The following DPEP3 variants were observed in gnomAD, a reference collection of about 807,000 sequenced individuals.
DPEP3 encodes the protein membrane-bound dipeptidase 3.
DPEP3 carries 42 observed loss-of-function variants against 47.5 expected under a neutral mutation model. That is an observed-to-expected ratio of 0.88 (90% CI 0.69 to 1.14). The LOEUF is 1.14. Among genes scored for constraint, DPEP3 ranks in the 50% most tolerant of loss-of-function variants. The pLI is 0.00. For missense variants in DPEP3, 560 were observed against 635.0 expected (o/e 0.88, Z 1.27); for synonymous variants, 276 against 270.2 (o/e 1.02, Z -0.21).
Position 67,980,181 on chromosome 16 carries a change from G to T in DPEP3, c.200C>A (p.Pro67Gln). 1 of 1,611,596 alleles carries T rather than the reference G, an allele frequency of 6.2e-7. No homozygotes were observed. Among genetic ancestry groups the T allele is most frequent in the Non-Finnish European group, 8.5e-7 (1 of 1,178,864 alleles). Residue 67 changes from proline (P) to glutamine (Q), a missense_variant, in exon 1 of 10, where the codon CCA becomes CAA. Transcript: ENST00000268793. Reference protein sequence around the residue: ...TPGVPSALTTPGLTTPGTPKT... With the variant: ...TPGVPSALTTQGLTTPGTPKT... ...GGGGGTGCCTGGCGTAGTGAGGCCT[G>T]GGGTAGTGAGGGCGCTGGGGACACC...
chr16:67,977,205 T>G, intron 7 of DPEP3, 65 bp downstream of exon 7: 1 of 1,458,462 alleles, frequency 6.9e-7, no homozygotes, highest in Non-Finnish European at 9.5e-7. Context: ...ACTGCTAGAG[T>G]CGTCCTGAGG....
Position 67,978,660 on chromosome 16 carries a change from AG to A in DPEP3, c.415-35del. ...AGGTCAAGGGGTCCAGAATGAGGCCAGGGCGGTCTTCAACCCCCTAGGCCTG... is the reference window on the plus strand; with the variant it reads ...AGGTCAAGGGGTCCAGAATGAGGCCAGGCGGTCTTCAACCCCCTAGGCCTG... On this transcript the variant is annotated intron_variant, in intron 2 of 9. Transcript: ENST00000268793. The surrounding 1 kb of genome is among the most constrained non-coding windows in gnomAD (Gnocchi z 4.4). 1.9e-6 allele frequency: 3 copies of A among 1,611,132 alleles called. No individual in the cohort carries two copies. The highest frequency in any genetic ancestry group is 2.2e-5 in the South Asian group (2 of 90,884).
Position 67,977,263 on chromosome 16 carries a change from G to C in DPEP3, c.1018+7C>G. On this transcript the variant is annotated splice_region_variant and intron_variant, in intron 7 of 9. Coordinates refer to ENST00000268793, the MANE Select transcript of DPEP3 (RefSeq NM_001370198.1). Reference sequence around the variant, plus strand: ...CCAGCACTGCACAAAGCTGAGGTGGGACTTACCTGCCACAGTGGACACGTT... The same window carrying C: ...CCAGCACTGCACAAAGCTGAGGTGGCACTTACCTGCCACAGTGGACACGTT... 3 of 1,613,374 alleles carry C rather than the reference G, an allele frequency of 1.9e-6. No individual in the cohort carries two copies. The highest frequency in any genetic ancestry group is 2.5e-6 in the Non-Finnish European group (3 of 1,179,596).
At chr16:67,979,829 G>T (rs1018373878) in intron 1 of DPEP3, 64 bp from the exon 2 acceptor site, 7 of 1,593,696 alleles carry the variant, frequency 4.4e-6, no homozygotes, top group Non-Finnish European at 6.0e-6. Context: ...TCAGGTGCTT[G>T]GGTCTACCCT....
At position 67,980,209 on chromosome 16, in the gene DPEP3, G is replaced by T. The variant is rs1210070901; in HGVS notation, c.172C>A (p.Pro58Thr). 2.5e-6 allele frequency: 4 copies of T among 1,610,280 alleles called. No individual in the cohort carries two copies. The highest frequency in any genetic ancestry group is 1.1e-5 in the South Asian group (1 of 90,740). ...GTAGTGAGGGCGCTGGGGACACCCG[G>T]CGTGGTGAAGAGGCTGGGGGAGCCC... ...TLGSPSLFTT[P>T]GVPSALTTPG... The change falls in exon 1 of 10, where the codon CCG becomes ACG. Residue 58 changes from proline to threonine, a missense_variant. By Grantham distance (38) the Pro-to-Thr change is conservative. Transcript: ENST00000268793.
In DPEP3 at chr16:67,977,627, G is replaced by T. The variant is rs375404243; in HGVS notation, c.933+26C>A. On this transcript the variant is annotated intron_variant, in intron 6 of 9. Transcript: ENST00000268793. Reference sequence around the variant, plus strand: ...AGAACCTTTGGATAACACATGCCTAGTTTGAGAGCTGGGATGGCCACTCAC... The same window carrying T: ...AGAACCTTTGGATAACACATGCCTATTTTGAGAGCTGGGATGGCCACTCAC... The T allele has an allele frequency of 1.3e-5, 21 of 1,599,658 alleles. No homozygotes were observed. The African/African-American group carries it at 2.8e-4, about 21-fold the overall frequency.
chr16:67,980,181 G>A lies in DPEP3; in HGVS notation c.200C>T (p.Pro67Leu). The change falls in exon 1 of 10, where the codon CCA becomes CTA. Residue 67 changes from proline (P) to leucine (L), a missense_variant. By Grantham distance (98) the Pro-to-Leu change is moderately conservative. Transcript: ENST00000268793. ...GGGGGTGCCTGGCGTAGTGAGGCCT[G>A]GGGTAGTGAGGGCGCTGGGGACACC... is the stretch of plus-strand genomic sequence containing the variant. ...TPGVPSALTT[P>L]GLTTPGTPKT... 6.2e-7 allele frequency: 1 copy of A among 1,611,596 alleles called. No homozygotes were observed. Among genetic ancestry groups the A allele is most frequent in the East Asian group, 2.2e-5 (1 of 44,858 alleles).
At position 67,978,544 on chromosome 16, in the gene DPEP3, C is replaced by A; in HGVS notation, c.497G>T (p.Arg166Leu). 2 of 1,614,082 alleles carry A rather than the reference C, an allele frequency of 1.2e-6. No individual in the cohort carries two copies. Among genetic ancestry groups the A allele is most frequent in the Non-Finnish European group, 1.7e-6 (2 of 1,179,990 alleles). The stretch of plus-strand genomic sequence containing the variant: ...GAGTTCAGAGTAGGAGGCACACATG[C>A]GGTGAATGAGGTCAATCTGCTCCAG... ...LALEQIDLIH[R>L]MCASYSELEL... is the part of the protein sequence containing the mutation. Residue 166 changes from arginine (R) to leucine (L), a missense_variant, in exon 3 of 10, where the codon CGC (arginine) becomes CTC (leucine). Arg to Leu is a moderately radical substitution (Grantham distance 102). Transcript: ENST00000268793. This position sits in a 1 kb window ranked among gnomAD's most constrained non-coding sequence, Gnocchi z 4.4.
chr16:67,980,342 G>A lies in DPEP3; in HGVS notation c.39C>T (p.Ser13=). ...PTGREGSRAL[S]RRYLRRLLLL... ...GCAGCAGACGCCGCAGATACCGCCG[G>A]CTGAGCGCGCGGGAACCCTCGCGGC... is the stretch of plus-strand genomic sequence containing the variant. Residue 13 remains serine (S), a synonymous_variant, in exon 1 of 10, where the codon AGC becomes AGT. Transcript: ENST00000268793. 1 of 1,549,460 alleles carries A rather than the reference G, an allele frequency of 6.5e-7. No homozygotes were observed. The highest frequency in any genetic ancestry group is 8.7e-7 in the Non-Finnish European group (1 of 1,147,596).
rs970464072 is a variant in DPEP3, at chr16:67,978,982, G to C, written c.415-356C>G. Among the ~76,000 whole-genome samples the C allele has an allele frequency of 3.3e-5, 5 of 152,198 alleles. No homozygotes were observed. The highest frequency in any genetic ancestry group is 7.4e-5 in the Non-Finnish European group (5 of 68,016). On this transcript the variant is annotated intron_variant, in intron 2 of 9. Coordinates refer to ENST00000268793, the MANE Select transcript of DPEP3 (RefSeq NM_001370198.1). The surrounding 1 kb of genome is among the most constrained non-coding windows in gnomAD (Gnocchi z 4.4). ...CCTTGATGACTGTTTGCTGCCAGCA[G>C]TCAAATGATGGACTCACGACACATC...
In DPEP3 at chr16:67,980,403, G is replaced by A. The variant is rs974109824; in HGVS notation, c.-23C>T. ...CATGTTGCGCGGGGGTCGGCCGCGG[G>A]AGCCTGGGAGGAGCAGGCGATGGGC... On this transcript the variant is annotated 5_prime_UTR_variant, in exon 1 of 10. Transcript: ENST00000268793. The A allele has an allele frequency of 5.3e-6, 8 of 1,500,622 alleles. No individual in the cohort carries two copies. The highest frequency in any genetic ancestry group is 4.3e-5 in the African/African-American group (3 of 70,244). The allele number at this position is 1,500,622 out of a possible 1,614,324, so 93.0% of individuals were successfully genotyped here. A position where few individuals can be genotyped will look rare whatever the true frequency, so the allele number is the denominator to read the frequency against.
rs1472480393 is a variant in DPEP3 at position 67,980,385 on chromosome 16, C to A, written c.-5G>T. 10 of 1,517,358 alleles carry A rather than the reference C, an allele frequency of 6.6e-6. No individual in the cohort carries two copies. The highest frequency in any genetic ancestry group is 1.3e-5 in the South Asian group (1 of 79,800). 94.0% of individuals were successfully genotyped at this position (1,517,358 alleles called of 1,614,324 possible). Reference sequence around the variant, plus strand: ...CTCGCGGCCCGTGGGCTGCATGTTGCGCGGGGGTCGGCCGCGGGAGCCTGG... The same window carrying A: ...CTCGCGGCCCGTGGGCTGCATGTTGAGCGGGGGTCGGCCGCGGGAGCCTGG... On this transcript the variant is annotated 5_prime_UTR_variant, in exon 1 of 10. Transcript: ENST00000268793.
chr16:67,979,882 A>G lies in DPEP3; in HGVS notation c.288-117T>C, dbSNP rs915106275. ...ACCTCCTCACACAGACCATATAGAGACCTCCTGAGGTTGGGTTGGAGGGAG... is the reference window on the plus strand; with the variant it reads ...ACCTCCTCACACAGACCATATAGAGGCCTCCTGAGGTTGGGTTGGAGGGAG... On this transcript the variant is annotated intron_variant, in intron 1 of 9. Coordinates refer to ENST00000268793, the MANE Select transcript of DPEP3 (RefSeq NM_001370198.1). 18 of 1,472,166 alleles carry G rather than the reference A, an allele frequency of 1.2e-5. No homozygotes were observed. In the African/African-American group the frequency reaches 1.8e-4, roughly 15 times the overall value. The allele number at this position is 1,472,166 out of a possible 1,614,324, so 91.2% of individuals were successfully genotyped here.
intron 8 of DPEP3, 130 bp downstream of exon 8, chr16:67,976,570 G>T: frequency 1.2e-6 from 1 of 830,748 alleles, no homozygotes; most frequent in South Asian, 1.7e-5. Flanking sequence ...TGAGAGTGGG[G>T]AGTGTCAGGT....
chr16:67,980,312 C>T lies in DPEP3; in HGVS notation c.69G>A (p.Leu23=). 1 of 1,562,148 alleles carries T rather than the reference C, an allele frequency of 6.4e-7. No homozygotes were observed. The highest frequency in any genetic ancestry group is 1.2e-5 in the South Asian group (1 of 86,102). The change falls in exon 1 of 10, where the codon CTG becomes CTA. Residue 23 remains leucine, a synonymous_variant. Coordinates refer to ENST00000268793, the MANE Select transcript of DPEP3 (RefSeq NM_001370198.1). ...SRRYLRRLLL[L]LLLLLLRQPV... Reference sequence around the variant, plus strand: ...GCTGCCGCAGCAGCAGCAGCAGTAGCAGGAGCAGCAGACGCCGCAGATACC... The same window carrying T: ...GCTGCCGCAGCAGCAGCAGCAGTAGTAGGAGCAGCAGACGCCGCAGATACC...
At chr16:67,976,373 A>C in intron 8 of DPEP3, 145 bp from the exon 9 acceptor site, 1 of 1,175,542 alleles carries the variant, frequency 8.5e-7, no homozygotes, top group Non-Finnish European at 1.2e-6. Flanking sequence ...CTCCTGGAGG[A>C]CTGGGCTTCT....
chr16:67,979,515 C>T (rs2151350341), intron 2 of DPEP3, 124 bp downstream of exon 2: 1 of 1,437,250 alleles, frequency 7.0e-7, no homozygotes, highest in South Asian at 1.4e-5. Flanking sequence ...TCCTTAGAAA[C>T]CACATGATGG....
Position 67,979,642 on chromosome 16 carries a change from G to A in DPEP3, c.411C>T (p.Ala137=). Residue 137 remains alanine (A), a synonymous_variant, in exon 2 of 10, where the codon GCC becomes GCT. Coordinates refer to ENST00000268793, the MANE Select transcript of DPEP3 (RefSeq NM_001370198.1). ...ACCCTGTGTGTCCCTGTGGTACCTG[G>A]GCACCCACGAGGCCGTCTCTAAGCC... is the stretch of plus-strand genomic sequence containing the variant. ...LDRLRDGLVG[A]QFWSASVSCQ... is the part of the protein sequence containing the mutation. 1 of 1,613,746 alleles carries A rather than the reference G, an allele frequency of 6.2e-7. No homozygotes were observed.
At chr16:67,976,656 C>T (rs1236359190) in intron 8 of DPEP3, 44 bp downstream of exon 8, 1 of 1,587,780 alleles carries the variant, frequency 6.3e-7, no homozygotes, top group Non-Finnish European at 8.6e-7. Context: ...TAAAGGACTC[C>T]CTGCTGCACC....
Sources: allele counts gnomAD v4.1 joint callset (sites outside exome capture counted in the v4.1 genomes callset), GRCh38; gene constraint gnomAD v4.1.1; non-coding constraint Gnocchi (gnomAD v3.1); transcripts MANE v1.5; gene names NCBI Gene and HGNC (gene_info 2026-07-23, HGNC 2026-07-21).